The following KLHL1 variants were observed in gnomAD, a reference collection of about 807,000 sequenced individuals.
KLHL1 encodes kelch-like protein 1.
A neutral mutation model predicts 77.7 loss-of-function variants in KLHL1; 47 were observed. The ratio of observed to expected loss-of-function variants is 0.60; its 90% CI spans 0.48 to 0.77. The LOEUF is 0.77. Ranked by LOEUF, KLHL1 falls within the 30% of genes least tolerant of loss-of-function variation. The pLI is 0.00. For missense variants in KLHL1, 925 were observed against 910.8 expected (o/e 1.02, Z -0.20); for synonymous variants, 360 against 325.2 (o/e 1.11, Z -1.15).
Position 69,715,871 on chromosome 13 carries a change from A to G in KLHL1, c.2015+3498T>C, listed in dbSNP as rs150738868. 4.4e-3 allele frequency among the ~76,000 whole-genome samples: 675 copies of G among 152,224 alleles called. 3 individuals carry two copies. Among genetic ancestry groups the G allele is most frequent in the Non-Finnish European group, 7.7e-3 (521 of 68,002 alleles). ...AATAATATATCAAAATTGTTTTGAT[A>G]CTCATTTGTTAATAGTATTTAGATA... On this transcript the variant is annotated intron_variant, in intron 9 of 10. Coordinates refer to ENST00000377844, the MANE Select transcript of KLHL1 (RefSeq NM_020866.3).
chr13:69,712,982 T>A (rs946864558), intron 9 of KLHL1, among the ~76,000 whole-genome samples: 5 of 151,906 alleles, frequency 3.3e-5, no homozygotes, highest in Admixed American at 2.0e-4. Context: ...GCTAATTTTT[T>A]ATTTTTATTA....
rs777240794 is a variant in KLHL1, at chr13:69,961,304, A to T, written c.817+4T>A. The T allele has an allele frequency of 1.2e-6, 2 of 1,608,944 alleles. No homozygotes were observed. Among genetic ancestry groups the T allele is most frequent in the East Asian group, 2.2e-5 (1 of 44,742 alleles). On this transcript the variant is annotated splice_donor_region_variant and intron_variant, in intron 3 of 10. Transcript: ENST00000377844. Reference sequence around the variant, plus strand: ...AGAATGATGTTATAATTATTTTGCCATACCTGTATATGCAAATTGGACAAG... The same window carrying T: ...AGAATGATGTTATAATTATTTTGCCTTACCTGTATATGCAAATTGGACAAG...
chr13:69,935,235 C>CTGGTGAACTTGGTACATAGTTCACCT (rs1566419785), intron 4 of KLHL1, among the ~76,000 whole-genome samples: 63 of 137,088 alleles, frequency 4.6e-4, no homozygotes, highest in African/African-American at 1.8e-3. Context: ...ATAGTTCACC[C>CTGGTGAACTTGGTACATAGTTCACCT]ACTGGTGAAC....
chr13:69,965,509 C>T (rs1258766533), intron 2 of KLHL1, among the ~76,000 whole-genome samples: 1 of 152,130 alleles, frequency 6.6e-6, no homozygotes, highest in Non-Finnish European at 1.5e-5. Flanking sequence ...TTCCCTGAGA[C>T]ACAATATTAA....
chr13:70,065,626 A>C (rs1408871042), intron 1 of KLHL1, among the ~76,000 whole-genome samples: 1 of 152,200 alleles, frequency 6.6e-6, no homozygotes, highest in Non-Finnish European at 1.5e-5. Flanking sequence ...ACAGCAGAAA[A>C]TTTTAGGGTA....
chr13:69,956,908 T>C (rs1290452951), intron 3 of KLHL1, among the ~76,000 whole-genome samples: 1 of 151,724 alleles, frequency 6.6e-6, no homozygotes, highest in Non-Finnish European at 1.5e-5. Context: ...GTCTGTAAAA[T>C]GTATAATGTT....
chr13:69,820,783 T>C (rs1878304816), intron 6 of KLHL1, among the ~76,000 whole-genome samples: 1 of 152,188 alleles, frequency 6.6e-6, no homozygotes, highest in South Asian at 2.1e-4. Flanking sequence ...TGCTGTGACA[T>C]TGCAAACTTG....
chr13:69,874,438 C>A lies in KLHL1; in HGVS notation c.1227+7845G>T, dbSNP rs1266604944. On this transcript the variant is annotated intron_variant, in intron 5 of 10. Transcript: ENST00000377844. ...ATGCATTCGACTATCTACTCAATAT[C>A]TCCACTTAAAATATTAAAGTAGTTT... Among the ~76,000 whole-genome samples, 5 of 152,132 alleles carry A rather than the reference C, an allele frequency of 3.3e-5. No individual in the cohort carries two copies. The East Asian group carries it at 5.8e-4, about 18-fold the overall frequency.
chr13:69,853,178 T>G (rs1490833189), intron 5 of KLHL1, among the ~76,000 whole-genome samples: 1 of 152,000 alleles, frequency 6.6e-6, no homozygotes, highest in East Asian at 1.9e-4. Context: ...TACCCAAATT[T>G]CATCTTGAAT....
Position 69,940,462 on chromosome 13 carries a change from T to A in KLHL1, c.818-226A>T, listed in dbSNP as rs60600073. ...TCAGTAGATACAAATGCAGTTTCAA[T>A]CAACATATCTGTATACACGTCAGCA... On this transcript the variant is annotated intron_variant, in intron 3 of 10. Coordinates refer to ENST00000377844, the MANE Select transcript of KLHL1 (RefSeq NM_020866.3). 6.6e-3 allele frequency among the ~76,000 whole-genome samples: 1,005 copies of A among 152,194 alleles called. 11 individuals are homozygous for A. Among genetic ancestry groups the A allele is most frequent in the African/African-American group, 0.023 (972 of 41,546 alleles).
intron 1 of KLHL1, among the ~76,000 whole-genome samples, chr13:70,013,354 C>G (rs924601684): frequency 2.0e-5 from 3 of 152,186 alleles, no homozygotes; most frequent in Non-Finnish European, 2.9e-5. Context: ...CATGGCTACT[C>G]TACTTGACTG....
intron 7 of KLHL1, among the ~76,000 whole-genome samples, chr13:69,749,636 A>G (rs1205725897): frequency 6.6e-6 from 1 of 152,008 alleles, no homozygotes; most frequent in African/African-American, 2.4e-5. Flanking sequence ...TGGGTTATAG[A>G]ACACATAACT....
intron 6 of KLHL1, among the ~76,000 whole-genome samples, chr13:69,812,706 A>G (rs1224753879): frequency 1.3e-5 from 2 of 151,666 alleles, no homozygotes; most frequent in African/African-American, 4.9e-5. Context: ...GCAGCCAAAA[A>G]ACACATGAAA....
intron 5 of KLHL1, among the ~76,000 whole-genome samples, chr13:69,861,332 G>T (rs971087439): frequency 2.0e-5 from 3 of 151,680 alleles, no homozygotes; most frequent in Non-Finnish European, 4.4e-5. Context: ...TTCTAAATTT[G>T]TATAGATACT....
chr13:70,063,728 T>C (rs1224854714), intron 1 of KLHL1, among the ~76,000 whole-genome samples: 1 of 152,044 alleles, frequency 6.6e-6, no homozygotes, highest in Non-Finnish European at 1.5e-5. Context: ...TTTTAAAAAA[T>C]GCATTTTAAA....
chr13:69,994,068 T>TTA (rs1181077823), intron 1 of KLHL1, among the ~76,000 whole-genome samples: 1 of 152,070 alleles, frequency 6.6e-6, no homozygotes, highest in Non-Finnish European at 1.5e-5. Context: ...AATGATAAGC[T>TTA]TAGGGCCTAT....
chr13:69,932,938 TA>T (rs1484598013), intron 4 of KLHL1, among the ~76,000 whole-genome samples: 1 of 151,814 alleles, frequency 6.6e-6, no homozygotes, highest in African/African-American at 2.4e-5. Flanking sequence ...TTGATAACCA[TA>T]AAAAAAGAGT....
rs552443302 is a variant in KLHL1 at position 69,995,045 on chromosome 13, G to A, written c.498-19243C>T. On this transcript the variant is annotated intron_variant, in intron 1 of 10. Coordinates refer to ENST00000377844, the MANE Select transcript of KLHL1 (RefSeq NM_020866.3). Reference sequence around the variant, plus strand: ...CGAGTGTCACTATAGATCCCTGCCAGTAGCCCAGTTAAGCCAGTCGCCTTT... The same window carrying A: ...CGAGTGTCACTATAGATCCCTGCCAATAGCCCAGTTAAGCCAGTCGCCTTT... Among the ~76,000 whole-genome samples, 5 of 152,188 alleles carry A rather than the reference G, an allele frequency of 3.3e-5. No homozygotes were observed. The South Asian group carries it at 1.0e-3, about 32-fold the overall frequency.
chr13:70,015,504 A>G (rs1885635648), intron 1 of KLHL1, among the ~76,000 whole-genome samples: 1 of 152,174 alleles, frequency 6.6e-6, no homozygotes, highest in East Asian at 1.9e-4. Flanking sequence ...AAAATTTTTC[A>G]ATTTTTTGAC....
Sources: gnomAD v4.1 joint callset for allele counts (sites outside exome capture counted in the v4.1 genomes callset) on GRCh38, gnomAD v4.1.1 for gene constraint, MANE v1.5 for transcripts, NCBI Gene and HGNC (gene_info 2026-07-23, HGNC 2026-07-21) for gene names.